MACROD2: variants seen among roughly 807,000 people sequenced by gnomAD.
The protein encoded by MACROD2 is mono-ADP ribosylhydrolase 2.
A neutral mutation model predicts 70.4 loss-of-function variants in MACROD2; 36 were observed. The ratio of observed to expected loss-of-function variants is 0.51; its 90% CI spans 0.39 to 0.68. The LOEUF is 0.68. MACROD2 is among the 30% of genes least tolerant of loss of function. The pLI is 0.00. For missense variants in MACROD2, 496 were observed against 538.4 expected (o/e 0.92, Z 0.78); for synonymous variants, 172 against 178.8 (o/e 0.96, Z 0.30).
At chr20:15,710,093 A>G (rs931548967) in intron 8 of MACROD2, among the ~76,000 whole-genome samples, 2 of 151,852 alleles carry the variant, frequency 1.3e-5, no homozygotes, top group African/African-American at 4.8e-5. Flanking sequence ...GTCAAGAAAT[A>G]TATTAAAAAT....
intron 4 of MACROD2, among the ~76,000 whole-genome samples, chr20:14,607,330 A>G (rs1039902439): frequency 6.6e-6 from 1 of 152,178 alleles, no homozygotes; most frequent in African/African-American, 2.4e-5. Context: ...GATTATCTTC[A>G]TAAAATCCAA....
At chr20:14,943,869 T>G (rs1402499850) in intron 5 of MACROD2, among the ~76,000 whole-genome samples, 1 of 151,562 alleles carries the variant, frequency 6.6e-6, no homozygotes, top group Admixed American at 6.6e-5. Context: ...AGAGTTCATG[T>G]ATTTCATTAA....
intron 8 of MACROD2, among the ~76,000 whole-genome samples, chr20:15,735,610 A>T (rs944705397): frequency 2.6e-5 from 4 of 152,206 alleles, no homozygotes; most frequent in African/African-American, 9.6e-5. Context: ...CGGGACAATG[A>T]CATACTGTAC....
At chr20:15,714,866 G>T (rs1166247965) in intron 8 of MACROD2, among the ~76,000 whole-genome samples, 1 of 152,054 alleles carries the variant, frequency 6.6e-6, no homozygotes, top group Non-Finnish European at 1.5e-5. Flanking sequence ...TATATACTGT[G>T]TGTGTACAAG....
intron 5 of MACROD2, among the ~76,000 whole-genome samples, chr20:14,728,474 G>T (rs1314588834): frequency 6.6e-6 from 1 of 152,080 alleles, no homozygotes; most frequent in Non-Finnish European, 1.5e-5. Flanking sequence ...GAATACCTGT[G>T]CTTCTCTTTA....
At chr20:15,206,721 G>GTTTTTTGTTTTTTTTTTTTTTTTTTTT (rs2076707269) in intron 5 of MACROD2, among the ~76,000 whole-genome samples, 1 of 32,990 alleles carries the variant, frequency 3.0e-5, no homozygotes, top group African/African-American at 1.5e-4. Flanking sequence ...TATTATCTAT[G>GTTTTTTGTTTTTTTTTTTTTTTTTTTT]TTTTTTTTTT....
intron 15 of MACROD2, among the ~76,000 whole-genome samples, chr20:15,988,474 G>A (rs1480577107): frequency 6.6e-6 from 1 of 152,100 alleles, no homozygotes; most frequent in Non-Finnish European, 1.5e-5. Flanking sequence ...AAATCAAACA[G>A]CTGTACGTTT....
At chr20:15,717,371 CAG>C (rs2050721779) in intron 8 of MACROD2, among the ~76,000 whole-genome samples, 1 of 152,174 alleles carries the variant, frequency 6.6e-6, no homozygotes, top group Admixed American at 6.5e-5. Flanking sequence ...CTATCTGTGA[CAG>C]TGTATATGAA....
At chr20:15,040,574 T>C (rs1359034748) in intron 5 of MACROD2, among the ~76,000 whole-genome samples, 1 of 151,630 alleles carries the variant, frequency 6.6e-6, no homozygotes, top group Non-Finnish European at 1.5e-5. Flanking sequence ...TTCAGGGGGG[T>C]CTTTATCTCA....
Position 14,105,280 on chromosome 20 carries a change from A to G in MACROD2, c.271+19552A>G, listed in dbSNP as rs74461428. 6.9e-3 allele frequency among the ~76,000 whole-genome samples: 1,045 copies of G among 152,292 alleles called. 25 individuals are homozygous for G. The highest frequency in any genetic ancestry group is 0.046 in the Admixed American group (699 of 15,294). On this transcript the variant is annotated intron_variant, in intron 3 of 17. Coordinates refer to ENST00000684519, the MANE Select transcript of MACROD2 (RefSeq NM_001351661.2). ...TAGGAAAGATGTTCTTGAATCACCAATGCCACCTCAGCCCCATTCCTCGGC... is the reference window on the plus strand; with the variant it reads ...TAGGAAAGATGTTCTTGAATCACCAGTGCCACCTCAGCCCCATTCCTCGGC...
chr20:15,787,799 C>A (rs543388376), intron 8 of MACROD2, among the ~76,000 whole-genome samples: 3 of 152,154 alleles, frequency 2.0e-5, no homozygotes, highest in African/African-American at 7.2e-5. Context: ...TTCAATTTAA[C>A]TTTTTTATCA....
chr20:14,087,878 G>T (rs2054098166), intron 3 of MACROD2, among the ~76,000 whole-genome samples: 1 of 151,760 alleles, frequency 6.6e-6, no homozygotes, highest in East Asian at 1.9e-4. Context: ...ATGCATAAAA[G>T]ATATATGTGT....
In MACROD2 at chr20:14,102,026, C is replaced by T. The variant is rs566859825; in HGVS notation, c.271+16298C>T. Among the ~76,000 whole-genome samples the T allele has an allele frequency of 8.4e-5, 8 of 95,244 alleles. No individual in the cohort carries two copies. In the East Asian group the frequency reaches 1.1e-3, roughly 13 times the overall value. 62.5% of individuals were successfully genotyped at this position (95,244 alleles called of 152,430 possible). The stretch of plus-strand genomic sequence containing the variant: ...TTTTTTTTTTTTTTTTTTTTTAAGA[C>T]GGAGTCTCACTCTGTCACTCAGGCT... On this transcript the variant is annotated intron_variant, in intron 3 of 17. Coordinates refer to ENST00000684519, the MANE Select transcript of MACROD2 (RefSeq NM_001351661.2).
At chr20:15,911,116 C>G (rs2065230458) in intron 10 of MACROD2, among the ~76,000 whole-genome samples, 1 of 152,120 alleles carries the variant, frequency 6.6e-6, no homozygotes, top group African/African-American at 2.4e-5. Flanking sequence ...TAGCATCTGC[C>G]CTTGAACCAA....
chr20:15,714,759 A>T (rs1000290587), intron 8 of MACROD2, among the ~76,000 whole-genome samples: 2 of 152,210 alleles, frequency 1.3e-5, no homozygotes, highest in Non-Finnish European at 2.9e-5. Context: ...TATGTGCCAC[A>T]TACTTTACTA....
chr20:15,993,260 G>A (rs2066582969), intron 15 of MACROD2, among the ~76,000 whole-genome samples: 6 of 147,870 alleles, frequency 4.1e-5, no homozygotes, highest in African/African-American at 1.3e-4. Flanking sequence ...GTGTGTGTGT[G>A]TGTGTGTGTA....
At chr20:15,561,082 A>C (rs2048237562) in intron 8 of MACROD2, among the ~76,000 whole-genome samples, 1 of 152,210 alleles carries the variant, frequency 6.6e-6, no homozygotes, top group African/African-American at 2.4e-5. Flanking sequence ...GTCAGGGAAC[A>C]TCAGAAGCTC....
At chr20:15,855,716 C>T (rs903718532) in intron 8 of MACROD2, among the ~76,000 whole-genome samples, 8 of 152,308 alleles carry the variant, frequency 5.3e-5, no homozygotes, top group Admixed American at 3.9e-4. Context: ...TAACTTCTAA[C>T]TCCATCGATG....
intron 8 of MACROD2, among the ~76,000 whole-genome samples, chr20:15,573,855 G>A (rs1036400618): frequency 1.3e-5 from 2 of 152,054 alleles, no homozygotes; most frequent in African/African-American, 4.8e-5. Flanking sequence ...TGTATTGACA[G>A]GCATCTGTGA....
Sources: allele counts gnomAD v4.1 joint callset (sites outside exome capture counted in the v4.1 genomes callset), GRCh38; gene constraint gnomAD v4.1.1; transcripts MANE v1.5; gene names NCBI Gene and HGNC (gene_info 2026-07-23, HGNC 2026-07-21).